TMEM232: variants seen among roughly 807,000 people sequenced by gnomAD.
TMEM232 encodes the protein transmembrane protein 232.
In TMEM232, 80 loss-of-function variants were observed where a neutral mutation model predicts 78.8. That is an observed-to-expected ratio of 1.01 (90% CI 0.85 to 1.22). The LOEUF (loss-of-function observed/expected upper bound fraction) is 1.22. TMEM232 is among the 50% of genes most tolerant of loss of function. The probability of loss-of-function intolerance (pLI) is 0.00; values close to 1 mark genes in which losing one functional copy is unlikely to be tolerated. For synonymous variants in TMEM232, 297 were observed against 254.3 expected, an observed-to-expected ratio of 1.17 and a Z score of -1.60; for missense variants, 881 against 742.2, an observed-to-expected ratio of 1.19 and a Z score of -2.17.
rs373829427 is a variant in TMEM232 at position 110,394,569 on chromosome 5, T to TA, written n.390+3203dup. On this transcript the variant is annotated intron_variant and non_coding_transcript_variant, in intron 3 of 8. Coordinates refer to the TMEM232 transcript ENST00000507188. ...CCCATCAACAGCTTTTGTAGACACT[T>TA]ACAGCTATAAACTTTACTGTTAGTA... Among the ~76,000 whole-genome samples, 345 of 152,342 alleles carry TA rather than the reference T, an allele frequency of 2.3e-3. 1 individual carries two copies. The highest frequency in any genetic ancestry group is 8.1e-3 in the African/African-American group (337 of 41,580).
chr5:110,534,834 C>T lies in TMEM232; in HGVS notation c.1456-5999G>A, dbSNP rs185178335. ...TTAGACCTTTTATACCTGTTTTTCTCCTTATTCCGTTTTTCAATTCATACA... is the reference window on the plus strand; with the variant it reads ...TTAGACCTTTTATACCTGTTTTTCTTCTTATTCCGTTTTTCAATTCATACA... On this transcript the variant is annotated intron_variant, in intron 11 of 13. Transcript: ENST00000455884. Among the ~76,000 whole-genome samples, 258 of 152,140 alleles carry T rather than the reference C, an allele frequency of 1.7e-3. 1 individual carries two copies. Among genetic ancestry groups the T allele is most frequent in the African/African-American group, 5.6e-3 (233 of 41,510 alleles).
At chr5:110,680,156 T>C (rs1309996049) in intron 1 of TMEM232, among the ~76,000 whole-genome samples, 1 of 151,976 alleles carries the variant, frequency 6.6e-6, no homozygotes, top group Non-Finnish European at 1.5e-5. Context: ...CCCAGCACTT[T>C]GGGAGGCTGA....
At chr5:110,662,077 CT>C (rs1789879018) in intron 2 of TMEM232, among the ~76,000 whole-genome samples, 1 of 151,872 alleles carries the variant, frequency 6.6e-6, no homozygotes. Flanking sequence ...TAGAATATTC[CT>C]TTTAAGTCAA....
rs770672662 is a variant in TMEM232, at chr5:110,406,263, T to TACACACACAC, written n.309-8410_309-8409insGTGTGTGTGT. The stretch of plus-strand genomic sequence containing the variant: ...TTCATCTACCTATGACACAGATATA[T>TACACACACAC]ATACACACACACACACACACACACA... On this transcript the variant is annotated intron_variant and non_coding_transcript_variant, in intron 2 of 8. Coordinates refer to the TMEM232 transcript ENST00000507188. 2.3e-3 allele frequency among the ~76,000 whole-genome samples: 118 copies of TACACACACAC among 51,670 alleles called. 1 individual carries two copies. The highest frequency in any genetic ancestry group is 4.1e-3 in the East Asian group (5 of 1,208). 33.9% of individuals were successfully genotyped at this position (51,670 alleles called of 152,430 possible). A position where few individuals can be genotyped will look rare whatever the true frequency, so the allele number is the denominator to read the frequency against.
chr5:110,663,110 C>T (rs1156707960), intron 2 of TMEM232, among the ~76,000 whole-genome samples: 1 of 151,742 alleles, frequency 6.6e-6, no homozygotes, highest in East Asian at 1.9e-4. Flanking sequence ...TTCATAATAA[C>T]CATAAATTGA....
At chr5:110,577,352 A>T (rs1777681105) in intron 10 of TMEM232, among the ~76,000 whole-genome samples, 1 of 152,250 alleles carries the variant, frequency 6.6e-6, no homozygotes, top group East Asian at 1.9e-4. Flanking sequence ...CAGAATGGCA[A>T]TTGTTAAAAG....
chr5:110,435,060 G>C (rs931456919), intron 12 of TMEM232, among the ~76,000 whole-genome samples: 2 of 151,796 alleles, frequency 1.3e-5, no homozygotes, highest in Non-Finnish European at 2.9e-5. Flanking sequence ...GATTCAACTG[G>C]AAGTCTTAGC....
At chr5:110,412,361 C>T (rs1756028504) in intron 2 of TMEM232, among the ~76,000 whole-genome samples, 1 of 152,132 alleles carries the variant, frequency 6.6e-6, no homozygotes, top group African/African-American at 2.4e-5. Context: ...AATTTTCTTG[C>T]CATTGATATG....
intron 1 of TMEM232, among the ~76,000 whole-genome samples, chr5:110,693,179 C>T (rs1001101190): frequency 6.6e-6 from 1 of 152,196 alleles, no homozygotes; most frequent in Non-Finnish European, 1.5e-5. Context: ...CTGCTGCTGA[C>T]ACCCAGGCAA....
rs548513658 is a variant in TMEM232 at position 110,642,447 on chromosome 5, T to G, written c.126-76A>C. 47 of 997,584 alleles carry G rather than the reference T, an allele frequency of 4.7e-5. No individual in the cohort carries two copies. The South Asian group carries it at 8.1e-4, about 17-fold the overall frequency. 61.8% of individuals were successfully genotyped at this position (997,584 alleles called of 1,614,324 possible). On this transcript the variant is annotated intron_variant, in intron 2 of 13. Coordinates refer to ENST00000455884, the MANE Select transcript of TMEM232 (RefSeq NM_001039763.4). ...CAAATTTCAATTAATCAACTTCCAG[T>G]GGCTATGTATAACTATATTCTAGCA...
chr5:110,520,037 G>GTATATATATATATATA (rs778212998), intron 12 of TMEM232, among the ~76,000 whole-genome samples: 1 of 148,284 alleles, frequency 6.7e-6, no homozygotes, highest in African/African-American at 2.5e-5. Context: ...ATATATTTAT[G>GTATATATATATATATA]TATATATATA....
chr5:110,602,666 G>C (rs969977358), intron 10 of TMEM232, among the ~76,000 whole-genome samples: 1 of 152,142 alleles, frequency 6.6e-6, no homozygotes, highest in African/African-American at 2.4e-5. Flanking sequence ...AGGATCTGGA[G>C]AAATAGGAAT....
At chr5:110,658,920 C>T (rs1016485387) in intron 2 of TMEM232, among the ~76,000 whole-genome samples, 1 of 152,106 alleles carries the variant, frequency 6.6e-6, no homozygotes, top group Admixed American at 6.6e-5. Flanking sequence ...TTCTTTTTGA[C>T]AATGGGTTAA....
rs190176475 is a variant in TMEM232, at chr5:110,695,817, A to G, written c.-12-28453T>C. Among the ~76,000 whole-genome samples, 852 of 152,268 alleles carry G rather than the reference A, an allele frequency of 5.6e-3. 8 individuals carry two copies. Among genetic ancestry groups the G allele is most frequent in the African/African-American group, 0.019 (804 of 41,548 alleles). ...AAATTGAGGCAATAATTAATAGCTTACCAACCAAAAAAAGTCCAGGACCAG... is the reference window on the plus strand; with the variant it reads ...AAATTGAGGCAATAATTAATAGCTTGCCAACCAAAAAAAGTCCAGGACCAG... On this transcript the variant is annotated intron_variant, in intron 1 of 13. Coordinates refer to ENST00000455884, the MANE Select transcript of TMEM232 (RefSeq NM_001039763.4).
At chr5:110,438,855 T>C (rs1304511994) in intron 12 of TMEM232, among the ~76,000 whole-genome samples, 2 of 152,126 alleles carry the variant, frequency 1.3e-5, no homozygotes, top group Non-Finnish European at 2.9e-5. Flanking sequence ...CCATGGATCA[T>C]CCTGGAAACT....
intron 2 of TMEM232, among the ~76,000 whole-genome samples, chr5:110,661,496 A>G (rs550982375): frequency 1.3e-5 from 2 of 152,046 alleles, no homozygotes; most frequent in East Asian, 3.9e-4. Flanking sequence ...TAATTTTTGT[A>G]GAGGCGGGTT....
intron 5 of TMEM232, among the ~76,000 whole-genome samples, chr5:110,636,809 T>C (rs1448628294): frequency 6.6e-6 from 1 of 152,106 alleles, no homozygotes; most frequent in African/African-American, 2.4e-5. Context: ...CTTATCATTG[T>C]GTAAGGCACA....
chr5:110,657,756 T>C (rs1414585177), intron 2 of TMEM232, among the ~76,000 whole-genome samples: 1 of 152,144 alleles, frequency 6.6e-6, no homozygotes, highest in Non-Finnish European at 1.5e-5. Flanking sequence ...TTGAATGTTG[T>C]CACCACGAAG....
At chr5:110,634,993 T>C (rs1335140461) in intron 5 of TMEM232, among the ~76,000 whole-genome samples, 1 of 151,382 alleles carries the variant, frequency 6.6e-6, no homozygotes, top group African/African-American at 2.4e-5. Context: ...TAATCAAAAG[T>C]GAAAAAGTAG....
Sources: gnomAD v4.1 joint callset for allele counts (sites outside exome capture counted in the v4.1 genomes callset) on GRCh38, gnomAD v4.1.1 for gene constraint, MANE v1.5 for transcripts, NCBI Gene and HGNC (gene_info 2026-07-23, HGNC 2026-07-21) for gene names.